The following DACH2 variants were observed in gnomAD, a reference collection of about 807,000 sequenced individuals.
DACH2 encodes the protein dachshund family transcription factor 2, also known as dachshund homolog 2.
Under a neutral mutation model 35.8 loss-of-function variants are expected in DACH2, and 17 were observed. The ratio of observed to expected loss-of-function variants is 0.48; its 90% CI spans 0.33 to 0.71. The LOEUF is 0.71. Ranked by LOEUF, DACH2 falls within the 30% of genes least tolerant of loss-of-function variation. The pLI is 0.02. For missense variants in DACH2, 469 were observed against 472.7 expected (o/e 0.99, Z 0.07); for synonymous variants, 195 against 177.3 (o/e 1.10, Z -0.79).
At chrX:86,715,163 T>C (rs2041321794) in intron 6 of DACH2, among the ~76,000 whole-genome samples, 1 of 111,319 alleles carries the variant, frequency 9.0e-6, no homozygotes, top group Non-Finnish European at 1.9e-5. Flanking sequence ...TGAATGAACT[T>C]GGGTATGACA....
At chrX:86,515,496 C>T (rs1569425844) in intron 3 of DACH2, among the ~76,000 whole-genome samples, 1 of 110,590 alleles carries the variant, frequency 9.0e-6, no homozygotes, top group Non-Finnish European at 1.9e-5. Flanking sequence ...GAGACTGGAG[C>T]AGAGCTTTAA....
chrX:86,533,034 T>G (rs1268753161), intron 3 of DACH2, among the ~76,000 whole-genome samples: 2 of 111,051 alleles, frequency 1.8e-5, no homozygotes, highest in Non-Finnish European at 3.8e-5. Flanking sequence ...ATAACTTACA[T>G]TGTTTTATTT....
chrX:86,615,299 T>G (rs1443037523), intron 3 of DACH2, among the ~76,000 whole-genome samples: 1 of 111,783 alleles, frequency 8.9e-6, no homozygotes, highest in Non-Finnish European at 1.9e-5. Flanking sequence ...TTCATGTTGT[T>G]TAATTATTAT....
At chrX:86,337,903 G>T (rs911939611) in intron 1 of DACH2, among the ~76,000 whole-genome samples, 4 of 106,251 alleles carry the variant, frequency 3.8e-5, no homozygotes, top group African/African-American at 1.5e-4. Flanking sequence ...AAAAATCAGG[G>T]GTTGCAGACC....
At chrX:86,195,862 C>T (rs1269095355) in intron 1 of DACH2, among the ~76,000 whole-genome samples, 1 of 111,170 alleles carries the variant, frequency 9.0e-6, no homozygotes, top group African/African-American at 3.3e-5. Flanking sequence ...GAAATGAAGC[C>T]AATAAGCTGA....
intron 1 of DACH2, among the ~76,000 whole-genome samples, chrX:86,346,617 T>C (rs2035501579): frequency 8.9e-6 from 1 of 111,951 alleles, no homozygotes. Flanking sequence ...AATCTGTTTC[T>C]TATTTTCTCG....
chrX:86,415,224 C>G (rs2036683301), intron 2 of DACH2, among the ~76,000 whole-genome samples: 1 of 111,965 alleles, frequency 8.9e-6, no homozygotes, highest in South Asian at 3.7e-4. Flanking sequence ...GACTGACAGT[C>G]TAGTAGCTGG....
chrX:86,221,074 C>T (rs2032699355), intron 1 of DACH2, among the ~76,000 whole-genome samples: 1 of 111,186 alleles, frequency 9.0e-6, no homozygotes, highest in Non-Finnish European at 1.9e-5. Context: ...TGTAGTTCTG[C>T]TTGTCTGTTT....
chrX:86,425,904 T>C (rs755923112), intron 2 of DACH2, among the ~76,000 whole-genome samples: 104 of 110,963 alleles, frequency 9.4e-4, no homozygotes, highest in African/African-American at 3.1e-3. Flanking sequence ...GAAGAACAAG[T>C]GTGCCTCGTA....
At chrX:86,401,220 C>T (rs147379687) in intron 2 of DACH2, among the ~76,000 whole-genome samples, 9,871 of 112,170 alleles carry the variant, frequency 0.088, 1,071 homozygotes, top group African/African-American at 0.3. Flanking sequence ...TTGTTAAGCC[C>T]GTTGGAAAAG....
chrX:86,513,045 G>GCT, intron 2 of DACH2: 1 of 231,751 alleles, frequency 4.3e-6, no homozygotes, highest in Non-Finnish European at 8.2e-6. Context: ...CACAGTGTAT[G>GCT]AAAAATGAAC....
intron 2 of DACH2, among the ~76,000 whole-genome samples, chrX:86,452,599 A>G (rs762306756): frequency 1.8e-5 from 2 of 111,433 alleles, no homozygotes; most frequent in Non-Finnish European, 3.8e-5. Context: ...TACATTTTCT[A>G]GTTTATGTGC....
At chrX:86,745,257 T>G (rs951923460) in intron 7 of DACH2, among the ~76,000 whole-genome samples, 2 of 111,477 alleles carry the variant, frequency 1.8e-5, no homozygotes, top group Non-Finnish European at 3.8e-5. Context: ...ATAAAAGCAT[T>G]GTCATATTTC....
intron 1 of DACH2, among the ~76,000 whole-genome samples, chrX:86,334,516 G>A (rs73518156): frequency 1.2e-3 from 138 of 112,326 alleles, no homozygotes; most frequent in African/African-American, 4.1e-3. Flanking sequence ...CACAGATGAT[G>A]AGCCTTTTTT....
chrX:86,231,437 G>T (rs1217620221), intron 1 of DACH2, among the ~76,000 whole-genome samples: 1 of 110,210 alleles, frequency 9.1e-6, no homozygotes, highest in Non-Finnish European at 1.9e-5. Flanking sequence ...CTCTCTTTGG[G>T]CAGGTCTTGC....
At chrX:86,265,405 G>C (rs970926095) in intron 1 of DACH2, among the ~76,000 whole-genome samples, 1 of 111,296 alleles carries the variant, frequency 9.0e-6, no homozygotes, top group Non-Finnish European at 1.9e-5. Context: ...TTCTTACAGA[G>C]CACAGGTAAA....
intron 1 of DACH2, among the ~76,000 whole-genome samples, chrX:86,199,313 T>C (rs182618602): frequency 1.0e-3 from 116 of 111,409 alleles, no homozygotes; most frequent in Admixed American, 6.6e-3. Context: ...TACATCACAT[T>C]GAATGGGCAA....
chrX:86,583,197 C>A (rs1165380987), intron 3 of DACH2, among the ~76,000 whole-genome samples: 1 of 111,479 alleles, frequency 9.0e-6, no homozygotes, highest in African/African-American at 3.3e-5. Context: ...ACAAACTAGA[C>A]ATTGATGGAA....
chrX:86,644,800 A>G (rs2148401586), intron 3 of DACH2, among the ~76,000 whole-genome samples: 1 of 111,312 alleles, frequency 9.0e-6, no homozygotes, highest in African/African-American at 3.3e-5. Context: ...AGCTGACAAA[A>G]ACAAGCAATG....
Sources: allele counts gnomAD v4.1 joint callset (sites outside exome capture counted in the v4.1 genomes callset), GRCh38; gene constraint gnomAD v4.1.1; transcripts MANE v1.5; gene names NCBI Gene and HGNC (gene_info 2026-07-23, HGNC 2026-07-21).